The following VPS13D variants were observed in gnomAD, a reference collection of about 807,000 sequenced individuals.
VPS13D encodes vacuolar protein sorting 13 homolog D.
VPS13D carries 187 observed loss-of-function variants against 461.9 expected under a neutral mutation model. The ratio of observed to expected loss-of-function variants is 0.40; its 90% CI spans 0.36 to 0.46. The LOEUF is 0.46. Ranked by LOEUF, VPS13D falls within the 20% of genes least tolerant of loss-of-function variation. VPS13D has a pLI of 0.60. For synonymous variants in VPS13D, 1,951 were observed against 1,986.3 expected, an observed-to-expected ratio of 0.98 and a Z score of 0.47; for missense variants, 4,711 against 5,364.9, an observed-to-expected ratio of 0.88 and a Z score of 3.81.
At chr1:12,244,182 C>A in intron 3 of VPS13D, 64 bp from the exon 4 acceptor site, 1 of 1,509,582 alleles carries the variant, frequency 6.6e-7, no homozygotes, top group African/African-American at 1.4e-5. Flanking sequence ...TGTAAAAATA[C>A]CAAAAAATGG....
intron 63 of VPS13D, among the ~76,000 whole-genome samples, chr1:12,408,317 A>G (rs1167859551): frequency 6.8e-6 from 1 of 146,288 alleles, no homozygotes; most frequent in African/African-American, 2.7e-5. Context: ...ATTTATACCA[A>G]AGAGAGAGAG....
At chr1:12,486,102 A>G (rs1017979526) in intron 67 of VPS13D, among the ~76,000 whole-genome samples, 28 of 152,120 alleles carry the variant, frequency 1.8e-4, no homozygotes, top group African/African-American at 6.3e-4. Context: ...AATCCAAGAT[A>G]CTCTTGAGGG....
chr1:12,499,415 T>G, intron 68 of VPS13D: 1 of 973,054 alleles, frequency 1.0e-6, no homozygotes, highest in Non-Finnish European at 1.2e-6. Flanking sequence ...CTTTTCACTT[T>G]CCTCCCCAAC....
At chr1:12,452,975 G>T (rs1645281626) in intron 65 of VPS13D, among the ~76,000 whole-genome samples, 1 of 152,198 alleles carries the variant, frequency 6.6e-6, no homozygotes. Context: ...AGTTGAGATA[G>T]GTGTAGGTAC....
At chr1:12,308,700 A>G in intron 27 of VPS13D, 59 bp downstream of exon 27, 1 of 1,546,156 alleles carries the variant, frequency 6.5e-7, no homozygotes, top group Non-Finnish European at 8.8e-7. Context: ...GGCAGGGTGG[A>G]GTGCAGTGGC....
At chr1:12,238,974 A>C (rs1640257278) in intron 2 of VPS13D, among the ~76,000 whole-genome samples, 1 of 152,016 alleles carries the variant, frequency 6.6e-6, no homozygotes, top group Non-Finnish European at 1.5e-5. Flanking sequence ...GAGGACTGTT[A>C]ACCTGTTTGG....
intron 66 of VPS13D, among the ~76,000 whole-genome samples, chr1:12,458,412 T>C (rs1645357967): frequency 1.3e-5 from 2 of 152,008 alleles, no homozygotes; most frequent in South Asian, 4.2e-4. Context: ...GTTCAAAAGT[T>C]TGGGAAAGGG....
chr1:12,252,471 C>T (rs1054829837), intron 6 of VPS13D, among the ~76,000 whole-genome samples: 3 of 152,080 alleles, frequency 2.0e-5, no homozygotes, highest in South Asian at 2.1e-4. Flanking sequence ...AACAGAGGAT[C>T]GGAAAATACT....
At chr1:12,314,878 A>T (rs1193301872) in intron 30 of VPS13D, among the ~76,000 whole-genome samples, 3 of 152,246 alleles carry the variant, frequency 2.0e-5, no homozygotes, top group South Asian at 4.1e-4. Context: ...CTCTCCTATT[A>T]TCTAGCTATG....
chr1:12,276,429 G>A lies in VPS13D; in HGVS notation c.2841G>A (p.Glu947=), dbSNP rs200517854. 5 of 1,614,200 alleles carry A rather than the reference G, an allele frequency of 3.1e-6. No individual in the cohort carries two copies. The East Asian group carries it at 6.7e-5, about 22-fold the overall frequency. The change falls in exon 19 of 70, where the codon GAG becomes GAA. Residue 947 remains glutamate (E), a synonymous_variant. Coordinates refer to ENST00000620676, the MANE Select transcript of VPS13D (RefSeq NM_015378.4). This position sits in a 1 kb window ranked among gnomAD's most constrained non-coding sequence, Gnocchi z 4.5. ...TGTTGTTGGAGCAGCATACCCGCGA[G>A]GTTCTGGTGGAGTCGCAGCTCCTCC... The part of the protein sequence containing the change: ...SIVLLEQHTR[E]VLVESQLLLA...
intron 5 of VPS13D, among the ~76,000 whole-genome samples, chr1:12,246,517 G>A (rs1257862269): frequency 6.6e-6 from 1 of 152,118 alleles, no homozygotes; most frequent in South Asian, 2.1e-4. Context: ...AATGAAATCC[G>A]GAACACTTCT....
intron 16 of VPS13D, among the ~76,000 whole-genome samples, chr1:12,270,274 TG>T (rs1641399043): frequency 6.6e-6 from 1 of 151,776 alleles, no homozygotes; most frequent in African/African-American, 2.4e-5. Context: ...CTAGCCAACA[TG>T]GTGAAACCCT....
chr1:12,307,821 CA>C (rs1242867232), intron 26 of VPS13D, among the ~76,000 whole-genome samples: 1 of 152,052 alleles, frequency 6.6e-6, no homozygotes, highest in Non-Finnish European at 1.5e-5. Context: ...TAACCGTAGC[CA>C]GTAAGTGTAT....
In VPS13D at chr1:12,268,691, T is replaced by C. The variant is rs1355836440; in HGVS notation, c.1802-15T>C. ...TTGCCTTGTTCCGTGTTCTTATTCC[T>C]GTTCTTTCCTTTAGCTGCAGATCCA... On this transcript the variant is annotated splice_polypyrimidine_tract_variant and intron_variant, in intron 15 of 69. Transcript: ENST00000620676. The C allele has an allele frequency of 2.5e-6, 4 of 1,610,438 alleles. No individual in the cohort carries two copies. The highest frequency in any genetic ancestry group is 2.2e-5 in the East Asian group (1 of 44,874).
At chr1:12,481,639 CATTA>C (rs1478440028) in intron 67 of VPS13D, among the ~76,000 whole-genome samples, 1 of 152,148 alleles carries the variant, frequency 6.6e-6, no homozygotes, top group Non-Finnish European at 1.5e-5. Flanking sequence ...CCACCTGGAT[CATTA>C]ATTCTGCTTT....
rs183421908 is a variant in VPS13D, at chr1:12,312,419, C to T, written c.6935+494C>T. On this transcript the variant is annotated intron_variant, in intron 29 of 69. Transcript: ENST00000620676. ...CTGAGTAGTTACGGGGTGGGAGATGCAGAACCACTTGATGTGCAGCATTGA... is the reference window on the plus strand; with the variant it reads ...CTGAGTAGTTACGGGGTGGGAGATGTAGAACCACTTGATGTGCAGCATTGA... 1.2e-3 allele frequency among the ~76,000 whole-genome samples: 183 copies of T among 152,284 alleles called. 3 individuals carry two copies. In the South Asian group the frequency reaches 0.015, roughly 12 times the overall value.
intron 21 of VPS13D, among the ~76,000 whole-genome samples, chr1:12,284,153 C>T (rs1377233712): frequency 6.6e-6 from 1 of 152,172 alleles, no homozygotes; most frequent in African/African-American, 2.4e-5. Context: ...ACATTATTTG[C>T]TTGCATTGAG....
chr1:12,395,495 C>A (rs1050193873), intron 60 of VPS13D, among the ~76,000 whole-genome samples: 1 of 152,126 alleles, frequency 6.6e-6, no homozygotes, highest in African/African-American at 2.4e-5. Flanking sequence ...TCTGTTTTTC[C>A]ACAATTTCAG....
At chr1:12,480,817 G>A (rs1645705208) in intron 67 of VPS13D, among the ~76,000 whole-genome samples, 1 of 152,204 alleles carries the variant, frequency 6.6e-6, no homozygotes, top group African/African-American at 2.4e-5. Context: ...AAGGTTCCCA[G>A]TGCTTTATGT....
Sources: allele counts gnomAD v4.1 joint callset (sites outside exome capture counted in the v4.1 genomes callset), GRCh38; gene constraint gnomAD v4.1.1; non-coding constraint Gnocchi (gnomAD v3.1); transcripts MANE v1.5; gene names NCBI Gene and HGNC (gene_info 2026-07-23, HGNC 2026-07-21).